Variants in HTR3B observed in about 807,000 individuals in gnomAD.
The protein encoded by HTR3B is 5-hydroxytryptamine (serotonin) receptor 3B, ionotropic.
Under a neutral mutation model 42.8 loss-of-function variants are expected in HTR3B, and 44 were observed. That is an observed-to-expected ratio of 1.03 (90% CI 0.81 to 1.32). The LOEUF (loss-of-function observed/expected upper bound fraction) is 1.32, where lower values mean the gene tolerates loss of function less well. Ranked by LOEUF, HTR3B falls within the 40% of genes most tolerant of loss-of-function variation. The pLI is 0.00. For missense variants in HTR3B, 527 were observed against 536.5 expected (o/e 0.98, Z 0.17); for synonymous variants, 203 against 209.0 (o/e 0.97, Z 0.25).
intron 2 of HTR3B, among the ~76,000 whole-genome samples, chr11:113,927,397 TTATAGA>T (rs1230613105): frequency 1.3e-5 from 2 of 152,186 alleles, no homozygotes; most frequent in Non-Finnish European, 2.9e-5. Flanking sequence ...TATAATATAC[TTATAGA>T]TATGTAGAAA....
intron 2 of HTR3B, among the ~76,000 whole-genome samples, chr11:113,929,923 G>A (rs1056416633): frequency 3.3e-5 from 5 of 151,946 alleles, no homozygotes; most frequent in African/African-American, 1.2e-4. Flanking sequence ...TAGTAGAGAC[G>A]GGGTTTTGCC....
chr11:113,907,186 A>T (rs918590202), intron 1 of HTR3B, among the ~76,000 whole-genome samples: 1 of 152,212 alleles, frequency 6.6e-6, no homozygotes, highest in African/African-American at 2.4e-5. Flanking sequence ...ACTTTCCAGA[A>T]ATCTTACAAG....
intron 6 of HTR3B, among the ~76,000 whole-genome samples, chr11:113,935,679 C>T (rs1233424202): frequency 6.6e-6 from 1 of 152,186 alleles, no homozygotes; most frequent in Non-Finnish European, 1.5e-5. Flanking sequence ...CTTCAACAGC[C>T]CTTGGCCAGT....
At chr11:113,911,814 C>T (rs1949797338) in intron 2 of HTR3B, among the ~76,000 whole-genome samples, 1 of 152,290 alleles carries the variant, frequency 6.6e-6, no homozygotes, top group Non-Finnish European at 1.5e-5. Flanking sequence ...CAGGCATGAG[C>T]CACGGTGCCC....
At chr11:113,924,624 CAAAAAA>C (rs34212177) in intron 2 of HTR3B, among the ~76,000 whole-genome samples, 3 of 52,238 alleles carry the variant, frequency 5.7e-5, no homozygotes, top group Non-Finnish European at 9.7e-5. Flanking sequence ...GACCTTGTCT[CAAAAAA>C]AAAAAAAAAA....
At chr11:113,928,601 A>C (rs1291732910) in intron 2 of HTR3B, among the ~76,000 whole-genome samples, 1 of 152,072 alleles carries the variant, frequency 6.6e-6, no homozygotes, top group Non-Finnish European at 1.5e-5. Context: ...GCAGTGGCAC[A>C]ATCTTGGCTC....
At chr11:113,922,723 T>A (rs1464326927) in intron 2 of HTR3B, among the ~76,000 whole-genome samples, 6 of 151,952 alleles carry the variant, frequency 3.9e-5, no homozygotes, top group Non-Finnish European at 5.9e-5. Context: ...GCCCGGCTAA[T>A]TTTTTGTATT....
intron 6 of HTR3B, among the ~76,000 whole-genome samples, chr11:113,940,605 A>G (rs1051829932): frequency 9.2e-5 from 14 of 152,212 alleles, no homozygotes; most frequent in African/African-American, 3.4e-4. Flanking sequence ...TGGTTTAGGT[A>G]TTTGCAGCCA....
rs1335505382 is a variant in HTR3B, at chr11:113,946,929, A to C, written c.*792A>C. 6.6e-6 allele frequency among the ~76,000 whole-genome samples: 1 copy of C among 152,180 alleles called. No homozygotes were observed. The highest frequency in any genetic ancestry group is 1.9e-4 in the East Asian group (1 of 5,196). On this transcript the variant is annotated 3_prime_UTR_variant, in exon 9 of 9. Coordinates refer to ENST00000260191, the MANE Select transcript of HTR3B (RefSeq NM_006028.5). ...AATAAGTCAGCACAGGTTATTATTC[A>C]CTTGTTGTGATTCCCATGGTCAACC... is the stretch of plus-strand genomic sequence containing the variant.
chr11:113,943,807 G>A (rs544558106), intron 7 of HTR3B, among the ~76,000 whole-genome samples: 1 of 151,088 alleles, frequency 6.6e-6, no homozygotes, highest in Non-Finnish European at 1.5e-5. Context: ...AGCAAGAACG[G>A]AAGGGAAGGG....
chr11:113,939,802 G>C (rs892974218), intron 6 of HTR3B, among the ~76,000 whole-genome samples: 1 of 151,924 alleles, frequency 6.6e-6, no homozygotes, highest in Non-Finnish European at 1.5e-5. Flanking sequence ...AAGGCATGGA[G>C]GAGTTGACTC....
rs139606463 is a variant in HTR3B at position 113,935,042 on chromosome 11, GCACACA to G, written c.696+1965_696+1970del. ...TGCTTGCATACACAGGCACACATGT[GCACACA>G]CACACACACACACACTCTCTCTCTC... On this transcript the variant is annotated intron_variant, in intron 6 of 8. Transcript: ENST00000260191. Among the ~76,000 whole-genome samples the G allele has an allele frequency of 6.0e-5, 9 of 150,490 alleles. No individual in the cohort carries two copies. The East Asian group carries it at 1.6e-3, about 26-fold the overall frequency.
chr11:113,913,515 TA>T (rs34509223), intron 2 of HTR3B, among the ~76,000 whole-genome samples: 1 of 148,442 alleles, frequency 6.7e-6, no homozygotes. Flanking sequence ...TTGGCCTTTT[TA>T]AAAAAAATTT....
intron 2 of HTR3B, among the ~76,000 whole-genome samples, chr11:113,927,069 A>G (rs953723749): frequency 6.6e-6 from 1 of 152,218 alleles, no homozygotes; most frequent in East Asian, 1.9e-4. Context: ...GGAGAAATAT[A>G]TAGCCAAATC....
At chr11:113,944,390 A>G (rs1591589894) in intron 7 of HTR3B, among the ~76,000 whole-genome samples, 183 bp from the exon 8 acceptor site, 2 of 152,130 alleles carry the variant, frequency 1.3e-5, no homozygotes, top group Non-Finnish European at 2.9e-5. Flanking sequence ...AGTCCCAGCT[A>G]TTCAGGAGGG....
At chr11:113,908,307 A>G (rs890805111) in intron 1 of HTR3B, among the ~76,000 whole-genome samples, 3 of 152,182 alleles carry the variant, frequency 2.0e-5, no homozygotes, top group Non-Finnish European at 2.9e-5. Context: ...AAGCGATCTC[A>G]TTTACAGTTT....
chr11:113,932,523 T>A, intron 5 of HTR3B, 65 bp downstream of exon 5: 3 of 1,242,950 alleles, frequency 2.4e-6, no homozygotes, highest in Non-Finnish European at 3.4e-6. Context: ...TATTATACTA[T>A]CCTTCAGGTC....
chr11:113,910,958 C>A (rs1949786908), intron 2 of HTR3B, among the ~76,000 whole-genome samples: 1 of 151,176 alleles, frequency 6.6e-6, no homozygotes, highest in South Asian at 2.1e-4. Flanking sequence ...TCCCGAGTAG[C>A]TGGGACTACA....
At chr11:113,927,962 G>A (rs1280780558) in intron 2 of HTR3B, among the ~76,000 whole-genome samples, 1 of 152,136 alleles carries the variant, frequency 6.6e-6, no homozygotes, top group Non-Finnish European at 1.5e-5. Context: ...ATGGTTTGCT[G>A]CACCTATCAA....
Sources: allele counts gnomAD v4.1 joint callset (sites outside exome capture counted in the v4.1 genomes callset), GRCh38; gene constraint gnomAD v4.1.1; transcripts MANE v1.5; gene names NCBI Gene and HGNC (gene_info 2026-07-23, HGNC 2026-07-21).